CMYA5: variants seen among roughly 807,000 people sequenced by gnomAD.
CMYA5 encodes the protein cardiomyopathy associated 5.
Under a neutral mutation model 318.9 loss-of-function variants are expected in CMYA5, and 246 were observed. That is an observed-to-expected ratio of 0.77 (90% CI 0.70 to 0.86). CMYA5 has a LOEUF of 0.86. Ranked by LOEUF, CMYA5 falls within the 40% of genes least tolerant of loss-of-function variation. The pLI is 0.00. For synonymous variants in CMYA5, 1,641 were observed against 1,729.5 expected (o/e 0.95, Z 1.27); for missense variants, 4,589 against 4,678.2 (o/e 0.98, Z 0.56).
chr5:79,799,189 G>A (rs1829327117), intron 12 of CMYA5, among the ~76,000 whole-genome samples, 181 bp from the exon 13 acceptor site: 1 of 152,074 alleles, frequency 6.6e-6, no homozygotes, highest in African/African-American at 2.4e-5. Flanking sequence ...CATCTGTTGG[G>A]ATAAGCTCTG....
intron 9 of CMYA5, among the ~76,000 whole-genome samples, chr5:79,772,993 A>G (rs1828880343): frequency 6.6e-6 from 1 of 152,226 alleles, no homozygotes; most frequent in Non-Finnish European, 1.5e-5. Flanking sequence ...CTAGTCAATA[A>G]ATACAAACAA....
chr5:79,709,893 G>A lies in CMYA5; in HGVS notation c.150-19022G>A, dbSNP rs148263514. 2.9e-3 allele frequency among the ~76,000 whole-genome samples: 423 copies of A among 146,108 alleles called. 21 individuals carry two copies. In the East Asian group the frequency reaches 0.079, roughly 27 times the overall value. On this transcript the variant is annotated intron_variant, in intron 1 of 12. Transcript: ENST00000446378. ...GGAGAATTGCTTGAACCCGGGAGGCGGAGGCTGCAGTGAGCCAAGATTATG... is the reference window on the plus strand; with the variant it reads ...GGAGAATTGCTTGAACCCGGGAGGCAGAGGCTGCAGTGAGCCAAGATTATG...
intron 9 of CMYA5, among the ~76,000 whole-genome samples, chr5:79,770,890 G>A (rs1219100846): frequency 6.6e-6 from 1 of 152,036 alleles, no homozygotes; most frequent in African/African-American, 2.4e-5. Flanking sequence ...AATGATCAAA[G>A]GATGAATTAA....
intron 1 of CMYA5, among the ~76,000 whole-genome samples, chr5:79,707,687 C>T (rs976942066): frequency 3.3e-5 from 5 of 152,162 alleles, no homozygotes; most frequent in Non-Finnish European, 7.3e-5. Flanking sequence ...ATCATTTCCA[C>T]ATAACTACCT....
intron 1 of CMYA5, among the ~76,000 whole-genome samples, chr5:79,720,861 G>A (rs990454953): frequency 3.3e-5 from 5 of 152,184 alleles, no homozygotes; most frequent in African/African-American, 1.2e-4. Flanking sequence ...CTAAAGGGAG[G>A]AGGAAAATGG....
Position 79,731,961 on chromosome 5 carries a change from G to T in CMYA5, c.3196G>T (p.Ala1066Ser). ...GTTCAGTTCATCACAGAAGCAAAAA[G>T]CTGAAACTTTCCCTTTGATGTCTCC... ...EQFSSSQKQK[A>S]ETFPLMSPLE... is the part of the protein sequence containing the mutation. The change falls in exon 2 of 13, where the codon GCT (alanine) becomes TCT (serine). Residue 1066 changes from alanine to serine, a missense_variant. Ala to Ser is a moderately conservative substitution (Grantham distance 99, BLOSUM62 1). Transcript: ENST00000446378. 1 of 1,613,494 alleles carries T rather than the reference G, an allele frequency of 6.2e-7. No homozygotes were observed.
At chr5:79,771,033 T>C (rs1324545954) in intron 9 of CMYA5, among the ~76,000 whole-genome samples, 1 of 146,926 alleles carries the variant, frequency 6.8e-6, no homozygotes, top group Non-Finnish European at 1.5e-5. Context: ...GCAAATAGCT[T>C]AGAGGTGAAC....
intron 8 of CMYA5, 32 bp from the exon 9 acceptor site, chr5:79,763,029 TG>T: frequency 5.7e-6 from 9 of 1,582,288 alleles, no homozygotes; most frequent in Non-Finnish European, 6.9e-6. Flanking sequence ...AAGCTGGCAT[TG>T]CTCCACGACT....
intron 1 of CMYA5, among the ~76,000 whole-genome samples, chr5:79,711,385 A>G (rs1169720090): frequency 6.6e-6 from 1 of 152,228 alleles, no homozygotes; most frequent in Non-Finnish European, 1.5e-5. Flanking sequence ...CTAAAGTGGA[A>G]TAGCCACTAA....
Position 79,731,395 on chromosome 5 carries a change from C to A in CMYA5, c.2630C>A (p.Ser877Tyr). 1.2e-6 allele frequency: 2 copies of A among 1,613,802 alleles called. No homozygotes were observed. Among genetic ancestry groups the A allele is most frequent in the Non-Finnish European group, 8.5e-7 (1 of 1,179,866 alleles). Residue 877 changes from serine to tyrosine, a missense_variant, in exon 2 of 13, where the codon TCT becomes TAT. Around this residue, in one of 3 missense-constraint regions of CMYA5, gnomAD observed 2,132 missense variants for 2,131.3 expected, o/e 1.00. Transcript: ENST00000446378. ...CQAPPLSATPSEYVVLSDEEA... is the reference protein window; with the variant it reads ...CQAPPLSATPYEYVVLSDEEA... ...GCCCCACCACTTTCAGCCACCCCAT[C>A]TGAATATGTTGTTCTATCAGACGAA...
At chr5:79,709,053 G>C (rs977941760) in intron 1 of CMYA5, among the ~76,000 whole-genome samples, 5 of 152,136 alleles carry the variant, frequency 3.3e-5, no homozygotes, top group Admixed American at 3.3e-4. Context: ...AAGAAAGTGA[G>C]GTAAGAGCCG....
At chr5:79,785,959 T>G (rs1829075314) in intron 9 of CMYA5, among the ~76,000 whole-genome samples, 1 of 152,214 alleles carries the variant, frequency 6.6e-6, no homozygotes, top group South Asian at 2.1e-4. Flanking sequence ...GAGGCTGTCC[T>G]CACAAGCATC....
intron 4 of CMYA5, among the ~76,000 whole-genome samples, 198 bp from the exon 5 acceptor site, chr5:79,746,893 C>T (rs1561217573): frequency 3.3e-5 from 5 of 152,146 alleles, no homozygotes; most frequent in African/African-American, 4.8e-5. Context: ...TGCACCCCGC[C>T]TTGTGAGCAC....
Position 79,738,443 on chromosome 5 carries a change from A to G in CMYA5, c.9678A>G (p.Arg3226=). The change falls in exon 2 of 13, where the codon AGA becomes AGG. Residue 3226 remains arginine (R), a synonymous_variant. Coordinates refer to ENST00000446378, the MANE Select transcript of CMYA5 (RefSeq NM_153610.5). ...ATTCTGAGGCATCATTTCCCAGCAGAAATTCTGACACTGATGATGGAACAG... is the reference window on the plus strand; with the variant it reads ...ATTCTGAGGCATCATTTCCCAGCAGGAATTCTGACACTGATGATGGAACAG... ...SVNSEASFPS[R]NSDTDDGTGI... is the part of the protein sequence containing the mutation. 1 of 1,613,740 alleles carries G rather than the reference A, an allele frequency of 6.2e-7. No homozygotes were observed. Among genetic ancestry groups the G allele is most frequent in the Non-Finnish European group, 8.5e-7 (1 of 1,179,858 alleles).
chr5:79,753,932 C>A lies in CMYA5; in HGVS notation c.11110+1138C>A, dbSNP rs1026475096. The stretch of plus-strand genomic sequence containing the variant: ...TTTGATTAACAGAGCTGGTCTTTTG[C>A]TTTTAAGGGATTCATTATATGCCAC... On this transcript the variant is annotated intron_variant, in intron 6 of 12. Coordinates refer to ENST00000446378, the MANE Select transcript of CMYA5 (RefSeq NM_153610.5). Among the ~76,000 whole-genome samples the A allele has an allele frequency of 1.3e-5, 2 of 152,280 alleles. 1 individual carries two copies.
In CMYA5 at chr5:79,729,555, G is replaced by C; in HGVS notation, c.790G>C (p.Asp264His). 1.2e-6 allele frequency: 2 copies of C among 1,613,494 alleles called. No homozygotes were observed. Among genetic ancestry groups the C allele is most frequent in the South Asian group, 2.2e-5 (2 of 91,058 alleles). The change falls in exon 2 of 13, where the codon GAT becomes CAT. Residue 264 changes from aspartate to histidine, a missense_variant. Physicochemically the swap from Asp to His is moderately conservative, Grantham distance 81 (BLOSUM62 -1). Transcript: ENST00000446378. ...AGAAATACATTATAGGAAAGGGAAA[G>C]ATGCATCCATTAGTCTAGAGCCAGA... The part of the protein sequence containing the change: ...IKEIHYRKGK[D>H]ASISLEPDLD...
chr5:79,728,415 A>G (rs1827794340), intron 1 of CMYA5, among the ~76,000 whole-genome samples: 1 of 150,644 alleles, frequency 6.6e-6, no homozygotes, highest in African/African-American at 2.5e-5. Context: ...GTCTGGGAGG[A>G]TGCGGCACAG....
Position 79,745,414 on chromosome 5 carries a change from G to A in CMYA5, c.10927G>A (p.Val3643Met), listed in dbSNP as rs567864753. ...TGCCAAAGACACCCTGGAGACCATC[G>A]TGAGAGAAGCAGAGGAGCTTGATGA... The part of the protein sequence containing the change: ...DTAKDTLETI[V>M]REAEELDEAV... Residue 3643 changes from valine to methionine, a missense_variant, in exon 4 of 13, where the codon GTG (valine) becomes ATG (methionine). Val to Met is a conservative substitution (Grantham distance 21). Coordinates refer to ENST00000446378, the MANE Select transcript of CMYA5 (RefSeq NM_153610.5). 4 of 1,613,990 alleles carry A rather than the reference G, an allele frequency of 2.5e-6. No homozygotes were observed. Among genetic ancestry groups the A allele is most frequent in the South Asian group, 2.2e-5 (2 of 91,086 alleles).
At position 79,734,678 on chromosome 5, in the gene CMYA5, T is replaced by C. The variant is rs1401299357; in HGVS notation, c.5913T>C (p.Asn1971=). 1 of 1,613,892 alleles carries C rather than the reference T, an allele frequency of 6.2e-7. No homozygotes were observed. The highest frequency in any genetic ancestry group is 8.5e-7 in the Non-Finnish European group (1 of 1,179,814). Residue 1971 remains asparagine (N), a synonymous_variant, in exon 2 of 13, where the codon AAT becomes AAC. Coordinates refer to ENST00000446378, the MANE Select transcript of CMYA5 (RefSeq NM_153610.5). ...AVSALDTSSG[N]TETLSSKSYS... ...CTGCTCTTGATACTTCCAGTGGTAA[T>C]ACAGAGACCTTATCAAGTAAAAGTT...
Sources: gnomAD v4.1 joint callset for allele counts (sites outside exome capture counted in the v4.1 genomes callset) on GRCh38, gnomAD v4.1.1 for gene constraint, gnomAD v4.1.1 regional missense constraint, MANE v1.5 for transcripts, NCBI Gene and HGNC (gene_info 2026-07-23, HGNC 2026-07-21) for gene names.